Variants in ZHX3 observed in about 807,000 individuals in gnomAD.
ZHX3 encodes zinc fingers and homeoboxes 3, also known as zinc fingers and homeoboxes protein 3.
ZHX3 carries 20 observed loss-of-function variants against 64.5 expected under a neutral mutation model. The ratio of observed to expected loss-of-function variants is 0.31; its 90% CI spans 0.22 to 0.45. The LOEUF (loss-of-function observed/expected upper bound fraction) is 0.45, where lower values mean the gene tolerates loss of function less well. Among genes scored for constraint, ZHX3 ranks in the 20% least tolerant of loss-of-function variants. ZHX3 has a pLI of 1.00. For synonymous variants in ZHX3, 423 were observed against 461.6 expected (o/e 0.92, Z 1.07); for missense variants, 1,041 against 1,195.8 (o/e 0.87, Z 1.91).
intron 1 of ZHX3, among the ~76,000 whole-genome samples, chr20:41,277,226 G>A (rs1416727550): frequency 6.6e-6 from 1 of 152,172 alleles, no homozygotes; most frequent in Non-Finnish European, 1.5e-5. Context: ...TTGCTTGGGA[G>A]GCTGAAGCAG....
chr20:41,290,988 C>G (rs761637383), intron 1 of ZHX3, among the ~76,000 whole-genome samples: 1 of 152,150 alleles, frequency 6.6e-6, no homozygotes, highest in African/African-American at 2.4e-5. Context: ...CTTTGGGGAG[C>G]TTTAGGATAT....
At position 41,212,984 on chromosome 20, in the gene ZHX3, T is replaced by C. The variant is rs569827925; in HGVS notation, c.-150-7918A>G. ...ACCCAAACATCTATCAGCTGGTGAA[T>C]GGGTAAGTAAAATATGATATATCCA... On this transcript the variant is annotated intron_variant, in intron 2 of 3. Coordinates refer to ENST00000683867, the MANE Select transcript of ZHX3 (RefSeq NM_001384317.1). This position sits in a 1 kb window ranked among gnomAD's most constrained non-coding sequence, Gnocchi z 4.3. Among the ~76,000 whole-genome samples, 16 of 152,230 alleles carry C rather than the reference T, an allele frequency of 1.1e-4. No homozygotes were observed. The highest frequency in any genetic ancestry group is 3.3e-4 in the Admixed American group (5 of 15,288).
intron 2 of ZHX3, among the ~76,000 whole-genome samples, chr20:41,245,475 G>C (rs1226646954): frequency 6.6e-6 from 1 of 152,220 alleles, no homozygotes; most frequent in Admixed American, 6.5e-5. Context: ...TTATGTGCCA[G>C]GCACAGGCCC....
At chr20:41,295,667 G>A (rs919706590) in intron 1 of ZHX3, among the ~76,000 whole-genome samples, 1 of 152,096 alleles carries the variant, frequency 6.6e-6, no homozygotes, top group Non-Finnish European at 1.5e-5. Context: ...TGGCTAACAT[G>A]GTGAAACCCC....
chr20:41,199,946 ACCT>A (rs1374363326), intron 3 of ZHX3, among the ~76,000 whole-genome samples: 3 of 152,018 alleles, frequency 2.0e-5, no homozygotes, highest in Non-Finnish European at 4.4e-5. Context: ...AGTGATCCAC[ACCT>A]CAGCCTCCCA....
chr20:41,204,250 T>C lies in ZHX3; in HGVS notation c.667A>G (p.Met223Val), dbSNP rs751677796. The change falls in exon 3 of 4, where the codon ATG becomes GTG. Residue 223 changes from methionine to valine, a missense_variant. Coordinates refer to ENST00000683867, the MANE Select transcript of ZHX3 (RefSeq NM_001384317.1). The surrounding 1 kb of genome is among the most constrained non-coding windows in gnomAD (Gnocchi z 6.6). ...GAATGGTCCCCCTCTCTCACCTCCA[T>C]TTCTCCAGTCGACAGCTTTGGTAAG... ...EALPKLSTGE[M>V]EVREGDHSFI... 2.5e-6 allele frequency: 4 copies of C among 1,614,178 alleles called. No homozygotes were observed. The South Asian group carries it at 4.4e-5, about 18-fold the overall frequency.
intron 3 of ZHX3, among the ~76,000 whole-genome samples, chr20:41,186,185 C>A (rs544291964): frequency 5.9e-5 from 9 of 152,258 alleles, no homozygotes; most frequent in African/African-American, 1.9e-4. Context: ...GCCCTGGTAA[C>A]CTCTATTTTA....
chr20:41,276,707 G>A (rs181197006), intron 1 of ZHX3, among the ~76,000 whole-genome samples: 10 of 152,242 alleles, frequency 6.6e-5, no homozygotes, highest in African/African-American at 1.4e-4. Flanking sequence ...AGTTATAAGC[G>A]CCTGGAAACA....
intron 2 of ZHX3, among the ~76,000 whole-genome samples, chr20:41,252,902 T>C (rs2042059223): frequency 6.6e-6 from 1 of 152,164 alleles, no homozygotes; most frequent in Non-Finnish European, 1.5e-5. Context: ...GATGCCTCCT[T>C]GTTGATGTTG....
At chr20:41,270,837 T>C (rs1417771790) in intron 1 of ZHX3, among the ~76,000 whole-genome samples, 1 of 152,162 alleles carries the variant, frequency 6.6e-6, no homozygotes, top group African/African-American at 2.4e-5. Flanking sequence ...CTGAATTAGC[T>C]CTTGAAAATT....
At chr20:41,264,271 G>A (rs1453711313) in intron 2 of ZHX3, among the ~76,000 whole-genome samples, 1 of 150,598 alleles carries the variant, frequency 6.6e-6, no homozygotes, top group Non-Finnish European at 1.5e-5. Flanking sequence ...AAATTATGAG[G>A]CATTTTGGGG....
At chr20:41,270,223 T>C (rs141583724) in intron 1 of ZHX3, among the ~76,000 whole-genome samples, 2,390 of 148,232 alleles carry the variant, frequency 0.016, 20 homozygotes, top group Non-Finnish European at 0.024. Flanking sequence ...ACCCCGTCTC[T>C]ACTAAAAATG....
chr20:41,233,229 A>G (rs2040744663), intron 2 of ZHX3, among the ~76,000 whole-genome samples: 1 of 152,236 alleles, frequency 6.6e-6, no homozygotes, highest in African/African-American at 2.4e-5. Context: ...GGAGTACATT[A>G]CATATAAAAG....
intron 2 of ZHX3, among the ~76,000 whole-genome samples, chr20:41,260,556 G>T (rs1031193562): frequency 6.6e-6 from 1 of 152,120 alleles, no homozygotes; most frequent in Non-Finnish European, 1.5e-5. Context: ...CCCAAGATTT[G>T]CCTACTTCTA....
rs551038197 is a variant in ZHX3 at position 41,253,147 on chromosome 20, A to G, written c.-151+15843T>C. On this transcript the variant is annotated intron_variant, in intron 2 of 3. Coordinates refer to ENST00000683867, the MANE Select transcript of ZHX3 (RefSeq NM_001384317.1). The stretch of plus-strand genomic sequence containing the variant: ...CAAAGTACCAACAAGAAGAGGAAAC[A>G]CAATTTTGCAAATACTTTAGCGTAT... Among the ~76,000 whole-genome samples, 7 of 152,244 alleles carry G rather than the reference A, an allele frequency of 4.6e-5. No homozygotes were observed. In the South Asian group the frequency reaches 1.5e-3, roughly 32 times the overall value.
Position 41,219,315 on chromosome 20 carries a change from T to C in ZHX3, c.-150-14249A>G, listed in dbSNP as rs2039780779. Among the ~76,000 whole-genome samples the C allele has an allele frequency of 1.3e-5, 2 of 152,146 alleles. No individual in the cohort carries two copies. The highest frequency in any genetic ancestry group is 2.9e-5 in the Non-Finnish European group (2 of 68,030). On this transcript the variant is annotated intron_variant, in intron 2 of 3. Coordinates refer to ENST00000683867, the MANE Select transcript of ZHX3 (RefSeq NM_001384317.1). This position sits in a 1 kb window ranked among gnomAD's most constrained non-coding sequence, Gnocchi z 5.0. Reference sequence around the variant, plus strand: ...TTATCACCTCTAAAGTAAACATTAATTTGTTCTTTCTCAAGCTCAGAAGGT... The same window carrying C: ...TTATCACCTCTAAAGTAAACATTAACTTGTTCTTTCTCAAGCTCAGAAGGT...
chr20:41,216,123 A>G (rs1314726189), intron 2 of ZHX3, among the ~76,000 whole-genome samples: 1 of 152,222 alleles, frequency 6.6e-6, no homozygotes, highest in African/African-American at 2.4e-5. Context: ...TGAGTATTCT[A>G]TAGTAATTGA....
intron 1 of ZHX3, among the ~76,000 whole-genome samples, chr20:41,288,101 A>T (rs1316125127): frequency 6.6e-6 from 1 of 152,152 alleles, no homozygotes; most frequent in Admixed American, 6.6e-5. Context: ...ATCTCAGCTC[A>T]CTGCAACCTC....
intron 2 of ZHX3, among the ~76,000 whole-genome samples, chr20:41,241,989 ATG>A (rs928701592): frequency 1.3e-5 from 2 of 151,778 alleles, no homozygotes; most frequent in East Asian, 3.9e-4. Flanking sequence ...CTGAGTGTGC[ATG>A]TGTGTGTGTG....
Sources: gnomAD v4.1 joint callset for allele counts (sites outside exome capture counted in the v4.1 genomes callset) on GRCh38, gnomAD v4.1.1 for gene constraint, Gnocchi (gnomAD v3.1) non-coding constraint, MANE v1.5 for transcripts, NCBI Gene and HGNC (gene_info 2026-07-23, HGNC 2026-07-21) for gene names.